The following CSMD1 variants were observed in gnomAD, a reference collection of about 807,000 sequenced individuals.
CSMD1 encodes the protein CUB and sushi domain-containing protein 1.
CSMD1 carries 213 observed loss-of-function variants against 417.5 expected under a neutral mutation model. That is an observed-to-expected ratio of 0.51 (90% CI 0.46 to 0.57). The LOEUF (loss-of-function observed/expected upper bound fraction) is 0.57, where lower values mean the gene tolerates loss of function less well. Ranked by LOEUF, CSMD1 falls within the 20% of genes least tolerant of loss-of-function variation. The pLI is 0.00. For missense variants in CSMD1, 6,923 were observed against 4,529.7 expected, an observed-to-expected ratio of 1.53 and a Z score of -15.17; for synonymous variants, 2,862 against 1,736.8, an observed-to-expected ratio of 1.65 and a Z score of -16.11.
intron 26 of CSMD1, among the ~76,000 whole-genome samples, chr8:3,253,950 A>T (rs1326201369): frequency 1.3e-5 from 2 of 152,138 alleles, no homozygotes; most frequent in African/African-American, 2.4e-5. Context: ...TCATTAGTTG[A>T]TGCTGTTTCT....
intron 26 of CSMD1, among the ~76,000 whole-genome samples, chr8:3,281,781 T>C (rs140045112): frequency 6.6e-6 from 1 of 152,252 alleles, no homozygotes; most frequent in Non-Finnish European, 1.5e-5. Flanking sequence ...TTGATATGGT[T>C]TGGATCTGCG....
chr8:4,264,964 T>C (rs1399721815), intron 3 of CSMD1, among the ~76,000 whole-genome samples: 1 of 152,156 alleles, frequency 6.6e-6, no homozygotes, highest in Non-Finnish European at 1.5e-5. Context: ...CAGGATAAAA[T>C]ATGCAGCTGA....
At chr8:4,812,572 ATATAT>A (rs1798970177) in intron 1 of CSMD1, among the ~76,000 whole-genome samples, 1 of 152,148 alleles carries the variant, frequency 6.6e-6, no homozygotes, top group African/African-American at 2.4e-5. Context: ...TTTATCAATT[ATATAT>A]TAAAGTCAAT....
At chr8:3,046,891 G>A (rs539742636) in intron 50 of CSMD1, among the ~76,000 whole-genome samples, 12 of 151,856 alleles carry the variant, frequency 7.9e-5, no homozygotes, top group Non-Finnish European at 1.3e-4. Context: ...ATTGAATCAC[G>A]TAGCTTAGAT....
chr8:4,060,484 G>C (rs375694538), intron 3 of CSMD1, among the ~76,000 whole-genome samples: 1 of 152,160 alleles, frequency 6.6e-6, no homozygotes, highest in Non-Finnish European at 1.5e-5. Context: ...ATTTGAGAAG[G>C]AAGGAGCTGA....
intron 5 of CSMD1, among the ~76,000 whole-genome samples, chr8:3,920,188 C>A (rs1584965758): frequency 6.6e-6 from 1 of 152,048 alleles, no homozygotes; most frequent in East Asian, 1.9e-4. Flanking sequence ...TGTGTGCCAG[C>A]ATATCTGGCT....
At chr8:3,409,703 G>T in intron 12 of CSMD1, 98 bp from the exon 13 acceptor site, 1 of 882,498 alleles carries the variant, frequency 1.1e-6, no homozygotes, top group South Asian at 2.2e-5. Flanking sequence ...TCTTTTTGCT[G>T]AACTAAACAT....
intron 50 of CSMD1, among the ~76,000 whole-genome samples, chr8:3,052,120 G>C (rs1048753952): frequency 4.6e-5 from 7 of 152,138 alleles, no homozygotes; most frequent in Non-Finnish European, 7.3e-5. Context: ...TTAACATCTT[G>C]AGTACAGTCT....
rs530383087 is a variant in CSMD1 at position 4,379,564 on chromosome 8, G to A, written c.415+40389C>T. Among the ~76,000 whole-genome samples the A allele has an allele frequency of 3.7e-4, 57 of 152,104 alleles. 1 individual carries two copies. The highest frequency in any genetic ancestry group is 6.9e-4 in the Non-Finnish European group (47 of 68,016). On this transcript the variant is annotated intron_variant, in intron 3 of 69. Transcript: ENST00000635120. Reference sequence around the variant, plus strand: ...GTCTGTATTATTTTTGCAATTTTGTGGTGTCTAAAATTATTTCAAAGTAAA... The same window carrying A: ...GTCTGTATTATTTTTGCAATTTTGTAGTGTCTAAAATTATTTCAAAGTAAA...
At chr8:3,116,857 A>G (rs6999596) in intron 42 of CSMD1, among the ~76,000 whole-genome samples, 59,120 of 151,920 alleles carry the variant, frequency 0.39, 16,522 homozygotes, top group African/African-American at 0.79. Flanking sequence ...TAATTTCAAA[A>G]GAATTTATAC....
chr8:3,948,328 G>C (rs1811373460), intron 5 of CSMD1, among the ~76,000 whole-genome samples: 1 of 152,150 alleles, frequency 6.6e-6, no homozygotes, highest in African/African-American at 2.4e-5. Context: ...AAGGGGCTTA[G>C]AATTTGGGAC....
chr8:2,995,879 T>C (rs1164559564), intron 54 of CSMD1, among the ~76,000 whole-genome samples: 2 of 152,202 alleles, frequency 1.3e-5, no homozygotes, highest in Non-Finnish European at 2.9e-5. Flanking sequence ...ACCAGGTTAA[T>C]GGATACCAGG....
chr8:3,188,393 G>A lies in CSMD1; in HGVS notation c.5524-428C>T, dbSNP rs551650015. ...GCAATCTTGGCTCACTGCAACCTCCGCCTCCCAGGTTCAAGCAATTCCCCT... is the reference window on the plus strand; with the variant it reads ...GCAATCTTGGCTCACTGCAACCTCCACCTCCCAGGTTCAAGCAATTCCCCT... On this transcript the variant is annotated intron_variant, in intron 35 of 69. Coordinates refer to ENST00000635120, the MANE Select transcript of CSMD1 (RefSeq NM_033225.6). Among the ~76,000 whole-genome samples, 11 of 124,028 alleles carry A rather than the reference G, an allele frequency of 8.9e-5. No homozygotes were observed. In the South Asian group the frequency reaches 1.1e-3, roughly 12 times the overall value. 81.4% of individuals were successfully genotyped at this position (124,028 alleles called of 152,430 possible).
intron 5 of CSMD1, among the ~76,000 whole-genome samples, chr8:3,838,302 A>G (rs972268275): frequency 6.6e-6 from 1 of 151,898 alleles, no homozygotes; most frequent in African/African-American, 2.4e-5. Context: ...TTTGGGAGGC[A>G]AGGCAGGAGG....
chr8:4,952,475 C>A (rs79133637), intron 1 of CSMD1, among the ~76,000 whole-genome samples: 3,474 of 152,012 alleles, frequency 0.023, 43 homozygotes, highest in Middle Eastern at 0.083. Context: ...AAAGAAAAGG[C>A]AAAATATTTA....
At chr8:4,096,285 C>T (rs1410527703) in intron 3 of CSMD1, among the ~76,000 whole-genome samples, 2 of 152,038 alleles carry the variant, frequency 1.3e-5, no homozygotes, top group Non-Finnish European at 2.9e-5. Flanking sequence ...CCTTGGGATG[C>T]CATTGTGCTA....
At chr8:4,196,110 C>G (rs1008728677) in intron 3 of CSMD1, among the ~76,000 whole-genome samples, 1 of 152,102 alleles carries the variant, frequency 6.6e-6, no homozygotes, top group Non-Finnish European at 1.5e-5. Flanking sequence ...GCTGGGGAGA[C>G]TGAGGCAGGA....
intron 3 of CSMD1, among the ~76,000 whole-genome samples, chr8:4,315,254 T>G (rs1010611214): frequency 4.6e-5 from 7 of 151,812 alleles, no homozygotes; most frequent in African/African-American, 1.7e-4. Context: ...AAGACCAGAG[T>G]GAGGTAGGGT....
intron 41 of CSMD1, among the ~76,000 whole-genome samples, chr8:3,123,086 T>C (rs772115665): frequency 3.8e-4 from 58 of 152,308 alleles, no homozygotes; most frequent in Non-Finnish European, 6.6e-4. Context: ...TTTGTTGTTA[T>C]CACCTATTTG....
Sources: allele counts gnomAD v4.1 joint callset (sites outside exome capture counted in the v4.1 genomes callset), GRCh38; gene constraint gnomAD v4.1.1; transcripts MANE v1.5; gene names NCBI Gene and HGNC (gene_info 2026-07-23, HGNC 2026-07-21).